Variants in KMT2E observed in about 807,000 individuals in gnomAD.
The protein encoded by KMT2E is histone reader KMT2E.
KMT2E carries 30 observed loss-of-function variants against 184.6 expected under a neutral mutation model. The ratio of observed to expected loss-of-function variants is 0.16; its 90% CI spans 0.12 to 0.22. The LOEUF (loss-of-function observed/expected upper bound fraction) is 0.22. KMT2E is among the 10% of genes least tolerant of loss of function. The probability of loss-of-function intolerance (pLI) is 1.00; values close to 1 mark genes in which losing one functional copy is unlikely to be tolerated. For missense variants in KMT2E, 2,023 were observed against 2,237.4 expected, an observed-to-expected ratio of 0.90 and a Z score of 1.93; for synonymous variants, 815 against 776.5, an observed-to-expected ratio of 1.05 and a Z score of -0.82.
intron 11 of KMT2E, 126 bp downstream of exon 11, chr7:105,077,559 T>C: frequency 1.4e-6 from 1 of 710,564 alleles, no homozygotes. Flanking sequence ...TTTAAAGCTG[T>C]AGTGTGGTTG....
At chr7:105,081,503 A>T (rs1347392377) in intron 12 of KMT2E, among the ~76,000 whole-genome samples, 185 bp from the exon 13 acceptor site, 1 of 151,934 alleles carries the variant, frequency 6.6e-6, no homozygotes, top group Non-Finnish European at 1.5e-5. Flanking sequence ...GGATAGCAGT[A>T]TATGATTGAA....
intron 3 of KMT2E, among the ~76,000 whole-genome samples, chr7:105,049,103 G>A (rs967898909): frequency 2.6e-5 from 4 of 152,150 alleles, no homozygotes; most frequent in African/African-American, 9.7e-5. Flanking sequence ...ATTAAGAAGA[G>A]ATGAGAGGAG....
In KMT2E at chr7:105,077,863, T is replaced by C. The variant is rs775415911; in HGVS notation, c.1130+430T>C. On this transcript the variant is annotated intron_variant, in intron 11 of 26. Coordinates refer to ENST00000311117, the MANE Select transcript of KMT2E (RefSeq NM_182931.3). ...ACCATAGGAGAAACCCCTTCCTCTT[T>C]ATTAGACAGTGTTAGATTGGGTCCT... is the stretch of plus-strand genomic sequence containing the variant. The C allele has an allele frequency of 8.3e-4, 139 of 166,508 alleles. 1 individual carries two copies. Among genetic ancestry groups the C allele is most frequent in the Admixed American group, 7.8e-3 (134 of 17,280 alleles). The allele number at this position is 166,508 out of a possible 1,614,324, so 10.3% of individuals were successfully genotyped here.
intron 14 of KMT2E, 59 bp from the exon 15 acceptor site, chr7:105,091,157 G>A: frequency 2.7e-6 from 2 of 739,808 alleles, no homozygotes; most frequent in Middle Eastern, 3.1e-4. Flanking sequence ...ATAGTTTAAT[G>A]TCACTAGTTG....
intron 3 of KMT2E, among the ~76,000 whole-genome samples, chr7:105,050,084 G>T (rs1319583492): frequency 6.6e-6 from 1 of 152,032 alleles, no homozygotes; most frequent in Non-Finnish European, 1.5e-5. Context: ...AAATATAACA[G>T]AATTATTTCC....
rs547986481 is a variant in KMT2E at position 105,114,663 on chromosome 7, A to G, written c.*1330A>G. 5.9e-5 allele frequency among the ~76,000 whole-genome samples: 9 copies of G among 152,366 alleles called. No homozygotes were observed. Among genetic ancestry groups the G allele is most frequent in the South Asian group, 2.1e-4 (1 of 4,822 alleles). ...ATTTTTCATCATCCAATTACCTGAC[A>G]TAATTTGGCACAGGATACAAATTCT... On this transcript the variant is annotated 3_prime_UTR_variant, in exon 27 of 27. Transcript: ENST00000311117.
chr7:105,112,756 A>C lies in KMT2E; in HGVS notation c.5000A>C (p.His1667Pro). Residue 1667 changes from histidine to proline, a missense_variant, in exon 27 of 27, where the codon CAT (histidine) becomes CCT (proline). Coordinates refer to ENST00000311117, the MANE Select transcript of KMT2E (RefSeq NM_182931.3). Reference protein sequence around the residue: ...GPVHAVTPGSHIHSQTAGHHL... With the variant: ...GPVHAVTPGSPIHSQTAGHHL... ...GTTCATGCGGTCACCCCTGGGTCGC[A>C]TATTCATTCTCAAACTGCTGGACAC... is the stretch of plus-strand genomic sequence containing the variant. The C allele has an allele frequency of 6.2e-7, 1 of 1,612,646 alleles. No individual in the cohort carries two copies. Among genetic ancestry groups the C allele is most frequent in the Non-Finnish European group, 8.5e-7 (1 of 1,179,658 alleles).
At chr7:105,020,585 A>G (rs1794909733) in intron 1 of KMT2E, among the ~76,000 whole-genome samples, 1 of 152,192 alleles carries the variant, frequency 6.6e-6, no homozygotes, top group South Asian at 2.1e-4. Flanking sequence ...CTGCATCTCT[A>G]AAAAAATAAA....
intron 3 of KMT2E, among the ~76,000 whole-genome samples, chr7:105,050,361 G>A (rs1796277120): frequency 6.6e-6 from 1 of 152,074 alleles, no homozygotes; most frequent in African/African-American, 2.4e-5. Flanking sequence ...GGCTTATTCT[G>A]TTATGCCCAG....
At chr7:105,106,075 AT>A (rs11340728) in intron 19 of KMT2E, 72 bp downstream of exon 19, 234,504 of 1,374,476 alleles carry the variant, frequency 0.17, 33,065 homozygotes, top group East Asian at 0.67. Flanking sequence ...TAACAGGCAT[AT>A]TTCTAGTTAC....
At chr7:105,023,273 G>A (rs903812657) in intron 1 of KMT2E, among the ~76,000 whole-genome samples, 2 of 151,556 alleles carry the variant, frequency 1.3e-5, no homozygotes, top group East Asian at 3.9e-4. Context: ...GTGGTGGCGG[G>A]CCCCTGTAAT....
intron 13 of KMT2E, among the ~76,000 whole-genome samples, chr7:105,086,851 TATATATAA>T (rs1233281147): frequency 6.8e-6 from 1 of 146,818 alleles, no homozygotes; most frequent in Non-Finnish European, 1.5e-5. Flanking sequence ...GCATATATAG[TATATATAA>T]TATATATTAG....
chr7:105,079,100 T>G lies in KMT2E; in HGVS notation c.1248+137T>G, dbSNP rs1395216899. 5 of 515,530 alleles carry G rather than the reference T, an allele frequency of 9.7e-6. No individual in the cohort carries two copies. In the Admixed American group the frequency reaches 1.7e-4, roughly 18 times the overall value. The allele number at this position is 515,530 out of a possible 1,614,324, so 31.9% of individuals were successfully genotyped here. ...GCATTTTATACTGCCCAGCCTGTTTTTTTGTGAAAATTTATGTGATAACTG... is the reference window on the plus strand; with the variant it reads ...GCATTTTATACTGCCCAGCCTGTTTGTTTGTGAAAATTTATGTGATAACTG... On this transcript the variant is annotated intron_variant, in intron 12 of 26. Transcript: ENST00000311117.
rs1799523040 is a variant in KMT2E at position 105,114,576 on chromosome 7, T to G, written c.*1243T>G. 6.6e-6 allele frequency among the ~76,000 whole-genome samples: 1 copy of G among 152,244 alleles called. No homozygotes were observed. Among genetic ancestry groups the G allele is most frequent in the Non-Finnish European group, 1.5e-5 (1 of 68,048 alleles). ...ATTAAAAATTTCCCAGCCTTTGTCTTCTACCTCTGAGGATTCAGTAAGTAC... is the reference window on the plus strand; with the variant it reads ...ATTAAAAATTTCCCAGCCTTTGTCTGCTACCTCTGAGGATTCAGTAAGTAC... On this transcript the variant is annotated 3_prime_UTR_variant, in exon 27 of 27. Coordinates refer to ENST00000311117, the MANE Select transcript of KMT2E (RefSeq NM_182931.3).
At chr7:105,017,922 C>T (rs1220812765) in intron 1 of KMT2E, among the ~76,000 whole-genome samples, 5 of 152,092 alleles carry the variant, frequency 3.3e-5, no homozygotes, top group Non-Finnish European at 1.5e-5. Context: ...AATTTTGGCT[C>T]GTCTGACTTC....
rs1219590013 is a variant in KMT2E at position 105,109,192 on chromosome 7, C to T, written c.3719C>T (p.Ala1240Val). 1 of 1,614,008 alleles carries T rather than the reference C, an allele frequency of 6.2e-7. No individual in the cohort carries two copies. The highest frequency in any genetic ancestry group is 1.1e-5 in the South Asian group (1 of 91,078). The change falls in exon 23 of 27, where the codon GCT becomes GTT. Residue 1240 changes from alanine (A) to valine (V), a missense_variant. Ala to Val is a moderately conservative substitution (Grantham distance 64, BLOSUM62 0). Transcript: ENST00000311117. ...ETSNNCPVKDATASEKNEPEV... is the reference protein window; with the variant it reads ...ETSNNCPVKDVTASEKNEPEV... ...AGCAATAACTGCCCTGTTAAGGATG[C>T]TACTGCTAGTGAGAAGAATGAACCA...
intron 17 of KMT2E, chr7:105,103,791 CATTT>C (rs1187718306): frequency 1.4e-5 from 2 of 147,972 alleles, no homozygotes; most frequent in Admixed American, 6.7e-5. Context: ...TACATATGCA[CATTT>C]ATATATACTA....
chr7:105,101,608 G>A lies in KMT2E; in HGVS notation c.1887+19G>A, dbSNP rs752995763. The A allele has an allele frequency of 1.1e-5, 16 of 1,499,374 alleles. No individual in the cohort carries two copies. The highest frequency in any genetic ancestry group is 9.8e-5 in the East Asian group (4 of 40,730). The allele number at this position is 1,499,374 out of a possible 1,614,324, so 92.9% of individuals were successfully genotyped here. ...TATTCAGGTATTATTTATTCAGGTC[G>A]TTTTATTTTCTTAAACACTTTAAAA... On this transcript the variant is annotated intron_variant, in intron 16 of 26. Transcript: ENST00000311117.
In KMT2E at chr7:105,073,354, A is replaced by C. The variant is rs543092441; in HGVS notation, c.498-265A>C. 4.6e-5 allele frequency among the ~76,000 whole-genome samples: 7 copies of C among 150,948 alleles called. No individual in the cohort carries two copies. The East Asian group carries it at 1.4e-3, about 30-fold the overall frequency. ...TGAGGCTGCAGCAAACTGTGATTGC[A>C]TCACTGCACTCCAGCCTGGGTGATA... On this transcript the variant is annotated intron_variant, in intron 6 of 26. Coordinates refer to ENST00000311117, the MANE Select transcript of KMT2E (RefSeq NM_182931.3).
Sources: gnomAD v4.1 joint callset for allele counts (sites outside exome capture counted in the v4.1 genomes callset) on GRCh38, gnomAD v4.1.1 for gene constraint, MANE v1.5 for transcripts, NCBI Gene and HGNC (gene_info 2026-07-23, HGNC 2026-07-21) for gene names.